ABCG8: variants seen among roughly 807,000 people sequenced by gnomAD.
ABCG8 encodes the protein ATP binding cassette subfamily G member 8, also known as ATP-binding cassette sub-family G member 8.
ABCG8 carries 81 observed loss-of-function variants against 71.3 expected under a neutral mutation model. That is an observed-to-expected ratio of 1.14 (90% confidence interval 0.95 to 1.37). The LOEUF (loss-of-function observed/expected upper bound fraction) is 1.37. Among genes scored for constraint, ABCG8 ranks in the 40% most tolerant of loss-of-function variants. ABCG8 has a pLI of 0.00. For synonymous variants in ABCG8, 451 were observed against 354.7 expected (o/e 1.27, Z -3.05); for missense variants, 1,119 against 866.2 (o/e 1.29, Z -3.66).
chr2:43,875,510 T>C (rs143280499), intron 11 of ABCG8, 97 bp downstream of exon 11: 269 of 1,471,496 alleles, frequency 1.8e-4, no homozygotes, highest in Non-Finnish European at 2.2e-4. Context: ...ATCACTTAGA[T>C]CCAACTCGAG....
At chr2:43,866,329 G>C (rs1277603884) in intron 6 of ABCG8, among the ~76,000 whole-genome samples, 1 of 151,782 alleles carries the variant, frequency 6.6e-6, no homozygotes, top group African/African-American at 2.4e-5. Context: ...GGCAACAAAA[G>C]CCAAAATTGA....
chr2:43,851,470 A>T, intron 3 of ABCG8, 114 bp from the exon 4 acceptor site: 1 of 1,203,656 alleles, frequency 8.3e-7, no homozygotes, highest in Non-Finnish European at 1.2e-6. Flanking sequence ...GGGGCTGGTC[A>T]CATCTGCACG....
intron 8 of ABCG8, 70 bp downstream of exon 8, chr2:43,872,376 T>A (rs1324411372): frequency 1.3e-6 from 2 of 1,485,514 alleles, no homozygotes; most frequent in African/African-American, 2.8e-5. Flanking sequence ...ATTAAGCCCT[T>A]TCTATTAAAG....
intron 1 of ABCG8, 101 bp downstream of exon 1, chr2:43,839,217 GA>G: frequency 7.8e-7 from 1 of 1,290,232 alleles, no homozygotes; most frequent in Non-Finnish European, 1.1e-6. Context: ...GCACCACCCG[GA>G]CATCAAGCAG....
chr2:43,852,487 G>T lies in ABCG8; in HGVS notation c.694+1G>T. The T allele has an allele frequency of 1.2e-6, 2 of 1,613,590 alleles. No homozygotes were observed. Among genetic ancestry groups the T allele is most frequent in the Non-Finnish European group, 8.5e-7 (1 of 1,179,906 alleles). On this transcript the variant is annotated splice_donor_variant, in intron 5 of 12. Transcript: ENST00000272286. LOFTEE classifies it high-confidence loss of function. ...GGGGTGCAGCTCCTGTGGAACCCAG[G>T]TGAGGGCCTGGGGGGCAGATGGGGG...
In ABCG8 at chr2:43,877,669, T is replaced by C. The variant is rs781084954; in HGVS notation, c.1865T>C (p.Ile622Thr). 1.9e-6 allele frequency: 3 copies of C among 1,614,112 alleles called. No homozygotes were observed. Among genetic ancestry groups the C allele is most frequent in the Non-Finnish European group, 2.5e-6 (3 of 1,179,996 alleles). ...TYKMPLGNLT[I>T]AVSGDKILSV... is the part of the protein sequence containing the mutation. ...AAAATGCCTCTCGGGAACCTCACCA[T>C]CGCGGTCTCAGGAGATAAAGTAAGC... is the stretch of plus-strand genomic sequence containing the variant. Residue 622 changes from isoleucine to threonine, a missense_variant, in exon 12 of 13, where the codon ATC (isoleucine) becomes ACC (threonine). Coordinates refer to ENST00000272286, the MANE Select transcript of ABCG8 (RefSeq NM_022437.3).
chr2:43,844,724 G>T, intron 2 of ABCG8, 116 bp downstream of exon 2: 2 of 763,692 alleles, frequency 2.6e-6, no homozygotes, highest in Non-Finnish European at 4.6e-6. Flanking sequence ...CAAGGACAGA[G>T]TCCAGTCCAC....
Position 43,878,981 on chromosome 2 carries a change from A to C in ABCG8, c.*1068A>C, listed in dbSNP as rs1470950347. 6.6e-6 allele frequency: 1 copy of C among 152,256 alleles called. No homozygotes were observed. The highest frequency in any genetic ancestry group is 1.5e-5 in the Non-Finnish European group (1 of 68,074). The allele number at this position is 152,256 out of a possible 1,614,324, so 9.4% of individuals were successfully genotyped here. A position where few individuals can be genotyped will look rare whatever the true frequency, so the allele number is the denominator to read the frequency against. On this transcript the variant is annotated 3_prime_UTR_variant, in exon 13 of 13. Coordinates refer to ENST00000272286, the MANE Select transcript of ABCG8 (RefSeq NM_022437.3). ...TTCTCTCTCCCGCTACCCTGTGAAG[A>C]GGAGCCTTCCACCACGACTGCAAGT...
intron 3 of ABCG8, chr2:43,847,429 C>G (rs1159869731): frequency 1.3e-5 from 2 of 152,194 alleles, no homozygotes; most frequent in Non-Finnish European, 2.9e-5. Flanking sequence ...AGATCCCGGC[C>G]AGGCACAGTG....
rs72796782 is a variant in ABCG8, at chr2:43,860,894, C to G, written c.964+8026C>G. On this transcript the variant is annotated intron_variant, in intron 6 of 12. Coordinates refer to ENST00000272286, the MANE Select transcript of ABCG8 (RefSeq NM_022437.3). ...GAATTCTCACTCTCTGCATAGAACT[C>G]TCACTGTCTATCTGGATAGAATTCT... Among the ~76,000 whole-genome samples, 1,405 of 150,842 alleles carry G rather than the reference C, an allele frequency of 9.3e-3. 31 individuals carry two copies. The highest frequency in any genetic ancestry group is 0.067 in the South Asian group (319 of 4,786).
At chr2:43,839,835 T>C (rs764169302) in intron 1 of ABCG8, among the ~76,000 whole-genome samples, 1 of 152,028 alleles carries the variant, frequency 6.6e-6, no homozygotes, top group African/African-American at 2.4e-5. Context: ...AGTAATGAAG[T>C]GATGGGTGAG....
At chr2:43,873,087 T>C (rs1669836697) in intron 8 of ABCG8, among the ~76,000 whole-genome samples, 2 of 152,078 alleles carry the variant, frequency 1.3e-5, no homozygotes, top group African/African-American at 4.8e-5. Context: ...TTCCAGTTAG[T>C]CTAGCCATAA....
At position 43,879,962 on chromosome 2, in the gene ABCG8, T is replaced by C. The variant is rs1276606231; in HGVS notation, c.*2049T>C. 6.6e-6 allele frequency: 1 copy of C among 152,166 alleles called. No individual in the cohort carries two copies. Among genetic ancestry groups the C allele is most frequent in the African/African-American group, 2.4e-5 (1 of 41,434 alleles). The allele number at this position is 152,166 out of a possible 1,614,324, so 9.4% of individuals were successfully genotyped here. On this transcript the variant is annotated 3_prime_UTR_variant, in exon 13 of 13. Transcript: ENST00000272286. ...TTGAAACTATGTAAATTGTAAACTT[T>C]CCATTTATGCATTTTAAAATTTTGA...
At chr2:43,873,689 A>G in intron 8 of ABCG8, 98 bp from the exon 9 acceptor site, 8 of 1,239,940 alleles carry the variant, frequency 6.5e-6, no homozygotes, top group South Asian at 4.8e-5. Context: ...CCCATTTTGC[A>G]TAGGAGAAAA....
intron 8 of ABCG8, 130 bp from the exon 9 acceptor site, chr2:43,873,657 C>G (rs924211353): frequency 3.2e-5 from 28 of 875,448 alleles, no homozygotes; most frequent in African/African-American, 9.9e-5. Context: ...CAGAGCCACT[C>G]TATGAGGCAG....
At chr2:43,866,928 A>C (rs1178676813) in intron 6 of ABCG8, among the ~76,000 whole-genome samples, 1 of 150,978 alleles carries the variant, frequency 6.6e-6, no homozygotes, top group Non-Finnish European at 1.5e-5. Flanking sequence ...TCACAATAGC[A>C]AAGACTTGGA....
intron 1 of ABCG8, among the ~76,000 whole-genome samples, chr2:43,843,414 C>T (rs79733338): frequency 0.024 from 3,596 of 152,210 alleles, 138 homozygotes; most frequent in African/African-American, 0.082. Flanking sequence ...GGAGGTCAGA[C>T]GAGGTGGTTC....
intron 6 of ABCG8, among the ~76,000 whole-genome samples, chr2:43,853,137 A>G (rs905296884): frequency 1.3e-5 from 2 of 152,180 alleles, no homozygotes; most frequent in Non-Finnish European, 2.9e-5. Context: ...AGGGCATGGA[A>G]TTCAAGAGGG....
At chr2:43,857,590 G>A (rs1317186838) in intron 6 of ABCG8, among the ~76,000 whole-genome samples, 2 of 151,262 alleles carry the variant, frequency 1.3e-5, no homozygotes, top group Non-Finnish European at 3.0e-5. Context: ...TCTCTCGATA[G>A]AACTCTTGCT....
Sources: allele counts gnomAD v4.1 joint callset (sites outside exome capture counted in the v4.1 genomes callset), GRCh38; gene constraint gnomAD v4.1.1; transcripts MANE v1.5; gene names NCBI Gene and HGNC (gene_info 2026-07-23, HGNC 2026-07-21).